Variants in ELF1 observed in about 807,000 individuals in gnomAD.
The protein encoded by ELF1 is E74 like ETS transcription factor 1, also known as ETS-related transcription factor Elf-1.
Under a neutral mutation model 59.9 loss-of-function variants are expected in ELF1, and 24 were observed. The ratio of observed to expected loss-of-function variants is 0.40; its 90% confidence interval spans 0.29 to 0.56. The LOEUF (loss-of-function observed/expected upper bound fraction) is 0.56, where lower values mean the gene tolerates loss of function less well. Ranked by LOEUF, ELF1 falls within the 20% of genes least tolerant of loss-of-function variation. The probability of loss-of-function intolerance (pLI) is 0.44; values close to 1 mark genes in which losing one functional copy is unlikely to be tolerated. For synonymous variants in ELF1, 248 were observed against 266.2 expected (o/e 0.93, Z 0.67); for missense variants, 627 against 742.2 (o/e 0.84, Z 1.80).
At chr13:40,980,235 C>T (rs542120100) in intron 2 of ELF1, among the ~76,000 whole-genome samples, 1 of 152,220 alleles carries the variant, frequency 6.6e-6, no homozygotes, top group African/African-American at 2.4e-5. Context: ...CTGTATGATT[C>T]CAGGAAAGTG....
In ELF1 at chr13:40,991,601, T is replaced by C. The variant is rs189134335; in HGVS notation, c.-228-9319A>G. On this transcript the variant is annotated intron_variant, in intron 1 of 8. Coordinates refer to ENST00000239882, the MANE Select transcript of ELF1 (RefSeq NM_172373.4). ...CCGTTACCACCTTTTATTAAGTTTTTATTTTCATTGTAAAATTGTTAAAGA... is the reference window on the plus strand; with the variant it reads ...CCGTTACCACCTTTTATTAAGTTTTCATTTTCATTGTAAAATTGTTAAAGA... 1.5e-3 allele frequency among the ~76,000 whole-genome samples: 234 copies of C among 152,284 alleles called. 1 individual carries two copies. Among genetic ancestry groups the C allele is most frequent in the African/African-American group, 5.3e-3 (222 of 41,554 alleles).
Position 40,933,748 on chromosome 13 carries a change from G to A in ELF1, c.1537C>T (p.Gln513Ter). ...QVQQVLTSNV[Q>*]TICNGTVSVA... ...CTGACGGTTCCATTGCAAATGGTCT[G>A]AACATTGCTAGTAAGGACCTGCTGA... is the stretch of plus-strand genomic sequence containing the variant. Residue 513 changes from glutamine (Q) to a stop codon, truncating the protein, a stop_gained, in exon 9 of 9, where the codon CAG becomes TAG. Coordinates refer to ENST00000239882, the MANE Select transcript of ELF1 (RefSeq NM_172373.4). LOFTEE classifies it high-confidence loss of function. The A allele has an allele frequency of 6.2e-7, 1 of 1,614,262 alleles. No individual in the cohort carries two copies. Among genetic ancestry groups the A allele is most frequent in the Non-Finnish European group, 8.5e-7 (1 of 1,180,056 alleles).
intron 1 of ELF1, among the ~76,000 whole-genome samples, chr13:40,997,314 G>C (rs751213619): frequency 6.6e-6 from 1 of 151,504 alleles, no homozygotes; most frequent in Non-Finnish European, 1.5e-5. Context: ...CTGGAGTGCA[G>C]TGGTGCAATC....
chr13:41,051,506 G>GA (rs754933556), intron 1 of ELF1, among the ~76,000 whole-genome samples: 1 of 151,902 alleles, frequency 6.6e-6, no homozygotes, highest in Non-Finnish European at 1.5e-5. Context: ...TTACAACCTT[G>GA]AAAAGTTGAA....
In ELF1 at chr13:40,933,478, T is replaced by C. The variant is rs757952607; in HGVS notation, c.1807A>G (p.Thr603Ala). The change falls in exon 9 of 9, where the codon ACT (threonine) becomes GCT (alanine). Residue 603 changes from threonine (T) to alanine (A), a missense_variant. Around this residue, in one of 3 missense-constraint regions of ELF1, gnomAD observed 361 missense variants for 396.1 expected, o/e 0.91. Coordinates refer to ENST00000239882, the MANE Select transcript of ELF1 (RefSeq NM_172373.4). ...TTTTGTTTCATAGCTACCTGAGAAG[T>C]AAATCCATTGGAACTGGACACTACC... is the stretch of plus-strand genomic sequence containing the variant. The part of the protein sequence containing the change: ...VMVVSSSNGF[T>A]SQVAMKQNEL... The C allele has an allele frequency of 1.9e-6, 3 of 1,614,214 alleles. No individual in the cohort carries two copies. The highest frequency in any genetic ancestry group is 2.2e-5 in the South Asian group (2 of 91,072).
At chr13:40,954,659 G>A (rs1357907841) in intron 3 of ELF1, among the ~76,000 whole-genome samples, 231 of 152,290 alleles carry the variant, frequency 1.5e-3, no homozygotes, top group African/African-American at 4.8e-3. Flanking sequence ...TGTGTTGGCC[G>A]GGCTGGTCTC....
At chr13:40,975,762 A>C (rs566239939) in intron 2 of ELF1, among the ~76,000 whole-genome samples, 1 of 152,344 alleles carries the variant, frequency 6.6e-6, no homozygotes, top group Admixed American at 6.5e-5. Context: ...TATGATAAGA[A>C]CCATAACTGA....
At chr13:41,023,090 G>C (rs986669573), upstream of ELF1, among the ~76,000 whole-genome samples, 9 of 152,170 alleles carry the variant, frequency 5.9e-5, no homozygotes, top group Non-Finnish European at 2.9e-5. Context: ...TCATGGAATT[G>C]TCAACATGTA....
chr13:40,943,747 G>T, intron 6 of ELF1, 95 bp downstream of exon 6: 1 of 1,018,396 alleles, frequency 9.8e-7, no homozygotes, highest in Non-Finnish European at 1.4e-6. Flanking sequence ...ATCCACTGCA[G>T]TATATCAAGA....
At position 40,932,100 on chromosome 13, in the gene ELF1, T is replaced by G. The variant is rs1019607502; in HGVS notation, c.*1325A>C. 1 of 152,198 alleles carries G rather than the reference T, an allele frequency of 6.6e-6. No individual in the cohort carries two copies. Among genetic ancestry groups the G allele is most frequent in the African/African-American group, 2.4e-5 (1 of 41,458 alleles). The allele number at this position is 152,198 out of a possible 1,614,324, so 9.4% of individuals were successfully genotyped here. On this transcript the variant is annotated 3_prime_UTR_variant, in exon 9 of 9. Coordinates refer to ENST00000239882, the MANE Select transcript of ELF1 (RefSeq NM_172373.4). ...AAAAATGTTTAGAGGATTCCAAAAT[T>G]TAAATTTTTGTTTAAATACAAATTC...
At chr13:40,944,735 CTA>C (rs1870401369) in intron 5 of ELF1, among the ~76,000 whole-genome samples, 1 of 152,154 alleles carries the variant, frequency 6.6e-6, no homozygotes, top group Admixed American at 6.5e-5. Flanking sequence ...TACTACCATT[CTA>C]TATGTGAGAA....
intron 1 of ELF1, among the ~76,000 whole-genome samples, chr13:41,037,495 A>T (rs1876427921): frequency 6.6e-6 from 1 of 152,210 alleles, no homozygotes. Context: ...AAATATTTTG[A>T]ACTTTAGAAA....
intron 1 of ELF1, among the ~76,000 whole-genome samples, chr13:41,027,184 C>T (rs1259596804): frequency 1.3e-5 from 2 of 152,170 alleles, no homozygotes; most frequent in Non-Finnish European, 2.9e-5. Flanking sequence ...TCAGGGACTT[C>T]GAAGGAACAT....
chr13:40,984,856 C>G (rs901790636), intron 1 of ELF1, among the ~76,000 whole-genome samples: 1 of 152,174 alleles, frequency 6.6e-6, no homozygotes, highest in Non-Finnish European at 1.5e-5. Flanking sequence ...ACTTTCTTTT[C>G]CACTGCTGTC....
chr13:40,968,051 A>G (rs1872292129), intron 2 of ELF1, among the ~76,000 whole-genome samples: 1 of 152,214 alleles, frequency 6.6e-6, no homozygotes, highest in African/African-American at 2.4e-5. Flanking sequence ...TAGCAACAAC[A>G]TTTAGCTTCA....
Position 40,934,032 on chromosome 13 carries a change from T to C in ELF1, c.1257-4A>G, listed in dbSNP as rs747475380. 3.5e-5 allele frequency: 56 copies of C among 1,596,816 alleles called. No homozygotes were observed. Among genetic ancestry groups the C allele is most frequent in the South Asian group, 3.5e-4 (31 of 89,600 alleles). On this transcript the variant is annotated splice_region_variant and splice_polypyrimidine_tract_variant and intron_variant, in intron 8 of 8. Transcript: ENST00000239882. ...TTGGGTTGGAGCCTGTATAGTCCTA[T>C]TGAGATGATGAAATTAAAGTGAGAC...
At chr13:41,059,193 TTG>T (rs947086155) in intron 1 of ELF1, among the ~76,000 whole-genome samples, 1 of 152,220 alleles carries the variant, frequency 6.6e-6, no homozygotes, top group Non-Finnish European at 1.5e-5. Flanking sequence ...TATTTAAAAT[TTG>T]TGAGTGATAC....
Position 40,971,433 on chromosome 13 carries a change from T to G in ELF1, c.72+10550A>C, listed in dbSNP as rs147185589. ...CCACAACACCCAGCTATTTTTTTAA[T>G]AGAAACGGGGTCTCCCTATGTTGCC... is the stretch of plus-strand genomic sequence containing the variant. On this transcript the variant is annotated intron_variant, in intron 2 of 8. Coordinates refer to ENST00000239882, the MANE Select transcript of ELF1 (RefSeq NM_172373.4). Among the ~76,000 whole-genome samples, 803 of 152,198 alleles carry G rather than the reference T, an allele frequency of 5.3e-3. 10 individuals carry two copies. Among genetic ancestry groups the G allele is most frequent in the African/African-American group, 0.019 (772 of 41,522 alleles).
chr13:41,010,458 A>AC (rs950337793), intron 1 of ELF1, among the ~76,000 whole-genome samples: 4 of 26,556 alleles, frequency 1.5e-4, no homozygotes, highest in Non-Finnish European at 3.2e-4. Flanking sequence ...TCTCCCCCCC[A>AC]CCCCCCCAAA....
Sources: allele counts gnomAD v4.1 joint callset (sites outside exome capture counted in the v4.1 genomes callset), GRCh38; gene constraint gnomAD v4.1.1; regional missense constraint gnomAD v4.1.1; transcripts MANE v1.5; gene names NCBI Gene and HGNC (gene_info 2026-07-23, HGNC 2026-07-21).